MYH15: variants seen among roughly 807,000 people sequenced by gnomAD.
MYH15 encodes the protein myosin-15.
In MYH15, 227 loss-of-function variants were observed where a neutral mutation model predicts 240.5. The ratio of observed to expected loss-of-function variants is 0.94; its 90% confidence interval spans 0.85 to 1.05. The LOEUF (loss-of-function observed/expected upper bound fraction) is 1.05, where lower values mean the gene tolerates loss of function less well. Ranked by LOEUF, MYH15 falls within the 50% of genes least tolerant of loss-of-function variation. MYH15 has a pLI of 0.00. For missense variants in MYH15, 2,217 were observed against 2,247.5 expected (o/e 0.99, Z 0.27); for synonymous variants, 785 against 796.7 (o/e 0.99, Z 0.25).
intron 30 of MYH15, among the ~76,000 whole-genome samples, chr3:108,412,280 T>G (rs556870730): frequency 6.6e-6 from 1 of 152,292 alleles, no homozygotes; most frequent in East Asian, 1.9e-4. Context: ...AGCGAGTAAG[T>G]TCTCATGAGA....
chr3:108,469,819 A>C (rs1401015801), intron 14 of MYH15, among the ~76,000 whole-genome samples: 1 of 152,260 alleles, frequency 6.6e-6, no homozygotes, highest in Non-Finnish European at 1.5e-5. Context: ...TCAAATGTGC[A>C]GTGAAAGCCT....
chr3:108,400,149 T>G (rs1054072327), intron 33 of MYH15, among the ~76,000 whole-genome samples: 65 of 152,162 alleles, frequency 4.3e-4, no homozygotes, highest in Admixed American at 4.3e-3. Flanking sequence ...TCTACCAAAC[T>G]TGATGGCCAC....
At chr3:108,508,984 G>A (rs1452929176) in intron 1 of MYH15, among the ~76,000 whole-genome samples, 1 of 152,076 alleles carries the variant, frequency 6.6e-6, no homozygotes, top group East Asian at 1.9e-4. Flanking sequence ...TATCTCCTTT[G>A]ATACATGAGG....
intron 28 of MYH15, among the ~76,000 whole-genome samples, chr3:108,420,887 A>T (rs2082677045): frequency 6.6e-6 from 1 of 152,164 alleles, no homozygotes; most frequent in Admixed American, 6.5e-5. Context: ...GGAACTAGGC[A>T]GGGGTTCCCA....
At chr3:108,501,988 T>G (rs773370508) in intron 2 of MYH15, 133 bp from the exon 3 acceptor site, 6 of 937,064 alleles carry the variant, frequency 6.4e-6, no homozygotes, top group Non-Finnish European at 8.1e-6. Flanking sequence ...CCAGAAGAAA[T>G]TAAGCCAGCC....
intron 9 of MYH15, among the ~76,000 whole-genome samples, chr3:108,490,940 T>G (rs1576266234): frequency 1.3e-5 from 2 of 152,196 alleles, no homozygotes; most frequent in South Asian, 4.1e-4. Flanking sequence ...CAGGCTAAAG[T>G]GCACTGGCAC....
At chr3:108,476,614 G>A in intron 11 of MYH15, 99 bp from the exon 12 acceptor site, 2 of 768,478 alleles carry the variant, frequency 2.6e-6, no homozygotes, top group Non-Finnish European at 4.6e-6. Flanking sequence ...CAGAAAGATA[G>A]TGTGTTTACA....
rs755997920 is a variant in MYH15, at chr3:108,394,147, G to A, written c.5143C>T (p.Leu1715Phe). The change falls in exon 36 of 41, where the codon CTC becomes TTC. Residue 1715 changes from leucine (L) to phenylalanine (F), a missense_variant. By Grantham distance (22) the Leu-to-Phe change is conservative (BLOSUM62 0). Transcript: ENST00000693548. The stretch of plus-strand genomic sequence containing the variant: ...TCCAGTTTCTTCTTCTGGCTGAGGA[G>A]GCTTGTGTTCTAAAGAAAAGCAGCA... ...INLFYTQNTSLLSQKKKLEAD... is the reference protein window; with the variant it reads ...INLFYTQNTSFLSQKKKLEAD... 1.9e-6 allele frequency: 3 copies of A among 1,614,004 alleles called. No homozygotes were observed. The highest frequency in any genetic ancestry group is 4.5e-5 in the East Asian group (2 of 44,880).
At chr3:108,500,995 T>C (rs1576271904) in intron 3 of MYH15, among the ~76,000 whole-genome samples, 1 of 152,194 alleles carries the variant, frequency 6.6e-6, no homozygotes, top group Non-Finnish European at 1.5e-5. Context: ...GCAGCCCTGC[T>C]GATTGGATTT....
At chr3:108,522,934 A>G (rs1240471353) in intron 1 of MYH15, among the ~76,000 whole-genome samples, 1 of 152,086 alleles carries the variant, frequency 6.6e-6, no homozygotes, top group Non-Finnish European at 1.5e-5. Context: ...ACAGATTTAC[A>G]AAGGAAAGAA....
At chr3:108,477,853 C>A (rs538784264) in intron 11 of MYH15, among the ~76,000 whole-genome samples, 1 of 152,120 alleles carries the variant, frequency 6.6e-6, no homozygotes, top group Non-Finnish European at 1.5e-5. Flanking sequence ...AGTAAATAGG[C>A]ATGTATCACT....
rs1275449060 is a variant in MYH15 at position 108,441,170 on chromosome 3, C to T, written c.2746G>A (p.Glu916Lys). 6.2e-7 allele frequency: 1 copy of T among 1,614,156 alleles called. No individual in the cohort carries two copies. Among genetic ancestry groups the T allele is most frequent in the East Asian group, 2.2e-5 (1 of 44,896 alleles). ...QLEARVKELS[E>K]RVEEEEEINS... ...ATCTCCTCTTCTTCCTCCACCCTCT[C>T]CGACAGCTCCTTTACTCTGGCCTCC... Residue 916 changes from glutamate to lysine, a missense_variant, in exon 23 of 41, where the codon GAG becomes AAG. Transcript: ENST00000693548.
At chr3:108,411,613 AC>A (rs2082593675) in intron 30 of MYH15, among the ~76,000 whole-genome samples, 1 of 151,526 alleles carries the variant, frequency 6.6e-6, no homozygotes, top group Admixed American at 6.6e-5. Flanking sequence ...TTTCTCCACC[AC>A]CCCCGTAATA....
chr3:108,442,984 G>A (rs1217350184), intron 22 of MYH15, among the ~76,000 whole-genome samples: 1 of 151,956 alleles, frequency 6.6e-6, no homozygotes, highest in African/African-American at 2.4e-5. Context: ...TGCATATCAA[G>A]CTTTTGTCTA....
chr3:108,529,593 T>C (rs1430092526), upstream of MYH15, among the ~76,000 whole-genome samples: 1 of 152,214 alleles, frequency 6.6e-6, no homozygotes, highest in Non-Finnish European at 1.5e-5. Context: ...ATAGGTCTCT[T>C]GACTGAGACA....
chr3:108,401,889 C>T (rs1402802061), intron 33 of MYH15, among the ~76,000 whole-genome samples: 2 of 152,160 alleles, frequency 1.3e-5, no homozygotes, highest in East Asian at 3.8e-4. Context: ...CAAGTACATT[C>T]TTTAAGAAAC....
chr3:108,549,284 G>T, the MYH15 span, among the ~76,000 whole-genome samples: 1 of 150,070 alleles, frequency 6.7e-6, no homozygotes. Context: ...TTTTTAATAT[G>T]AGGTACACAG....
chr3:108,389,161 C>T (rs1393512158), intron 37 of MYH15, 87 bp from the exon 38 acceptor site: 2 of 1,199,594 alleles, frequency 1.7e-6, no homozygotes, highest in Non-Finnish European at 2.4e-6. Context: ...TGAAAGACAG[C>T]AAAGTGTCAA....
intron 2 of MYH15, 129 bp from the exon 3 acceptor site, chr3:108,501,984 G>T: frequency 1.0e-6 from 1 of 968,490 alleles, no homozygotes; most frequent in South Asian, 1.7e-5. Flanking sequence ...GGGGCCAGAA[G>T]AAATTAAGCC....
Sources: allele counts gnomAD v4.1 joint callset (sites outside exome capture counted in the v4.1 genomes callset), GRCh38; gene constraint gnomAD v4.1.1; transcripts MANE v1.5; gene names NCBI Gene and HGNC (gene_info 2026-07-23, HGNC 2026-07-21).